Variants in TRIM16 observed in about 807,000 individuals in gnomAD.
TRIM16 encodes tripartite motif-containing protein 16.
Under a neutral mutation model 50.4 loss-of-function variants are expected in TRIM16, and 33 were observed. The ratio of observed to expected loss-of-function variants is 0.65; its 90% CI spans 0.50 to 0.88. The LOEUF (loss-of-function observed/expected upper bound fraction) is 0.88. Ranked by LOEUF, TRIM16 falls within the 40% of genes least tolerant of loss-of-function variation. TRIM16 has a pLI of 0.00. For missense variants in TRIM16, 581 were observed against 686.8 expected, an observed-to-expected ratio of 0.85 and a Z score of 1.72; for synonymous variants, 229 against 270.7, an observed-to-expected ratio of 0.85 and a Z score of 1.51.
rs1263924413 is a variant in TRIM16 at position 15,632,581 on chromosome 17, TG to T, written c.942del (p.Thr315ArgfsTer7). On this transcript the variant is annotated frameshift_variant, in exon 10 of 12. Coordinates refer to ENST00000649191, the MANE Select transcript of TRIM16 (RefSeq NM_001348119.1). LOFTEE classifies it high-confidence loss of function. The part of the protein sequence containing the change: ...KDKLSGIRKV[I>X]TESTVHLIQL... The stretch of plus-strand genomic sequence containing the variant: ...TGGATTAAGTGTACAGTGGATTCCG[TG>T]ATAACTTTGCGGATGCCCGAGAGTT... 6.2e-7 allele frequency: 1 copy of T among 1,613,880 alleles called. No individual in the cohort carries two copies. The highest frequency in any genetic ancestry group is 1.3e-5 in the African/African-American group (1 of 74,928).
rs1277837575 is a variant in TRIM16, at chr17:15,651,359, G to A, written c.251C>T (p.Thr84Ile). The part of the protein sequence containing the change: ...EVLCDFCLDD[T>I]RRVKAVKSCL... ...GGACTTCACTGCCTTCACTCTTCTGGTGTCATCAAGGCAGAAGTCACACAG... is the reference window on the plus strand; with the variant it reads ...GGACTTCACTGCCTTCACTCTTCTGATGTCATCAAGGCAGAAGTCACACAG... The change falls in exon 7 of 12, where the codon ACC becomes ATC. Residue 84 changes from threonine (T) to isoleucine (I), a missense_variant. This residue lies in a region of TRIM16 where 450 missense variants were observed against 544.3 expected (regional missense o/e 0.83). Coordinates refer to ENST00000649191, the MANE Select transcript of TRIM16 (RefSeq NM_001348119.1). 1.2e-6 allele frequency: 2 copies of A among 1,614,060 alleles called. No individual in the cohort carries two copies. Among genetic ancestry groups the A allele is most frequent in the Non-Finnish European group, 1.7e-6 (2 of 1,180,038 alleles).
Position 15,677,715 on chromosome 17 carries a change from T to C in TRIM16, c.-583A>G. 1 of 994,310 alleles carries C rather than the reference T, an allele frequency of 1.0e-6. No homozygotes were observed. The highest frequency in any genetic ancestry group is 1.2e-6 in the Non-Finnish European group (1 of 833,952). 61.6% of individuals were successfully genotyped at this position (994,310 alleles called of 1,614,324 possible). A position where few individuals can be genotyped will look rare whatever the true frequency, so the allele number is the denominator to read the frequency against. ...GACATAAAGCCCTGAAACACCTGCA[T>C]GGGGTTCTGAAGAAAAAGTTACATG... On this transcript the variant is annotated 5_prime_UTR_variant, in exon 5 of 12. It removes an upstream start codon present in the reference 5' UTR. Coordinates refer to ENST00000649191, the MANE Select transcript of TRIM16 (RefSeq NM_001348119.1).
intron 7 of TRIM16, among the ~76,000 whole-genome samples, chr17:15,644,968 G>A (rs55731200): frequency 0.12 from 17,819 of 151,498 alleles, 1,825 homozygotes; most frequent in African/African-American, 0.29. Flanking sequence ...GATACACACC[G>A]CCACACCCGG....
At chr17:15,679,204 C>T (rs1989075364) in intron 4 of TRIM16, among the ~76,000 whole-genome samples, 1 of 152,094 alleles carries the variant, frequency 6.6e-6, no homozygotes, top group Admixed American at 6.6e-5. Context: ...TTAATATACA[C>T]TGGCAAACTA....
intron 6 of TRIM16, among the ~76,000 whole-genome samples, chr17:15,674,809 A>G (rs2530109): frequency 3.9e-4 from 59 of 151,578 alleles, no homozygotes; most frequent in Middle Eastern, 6.8e-3. Flanking sequence ...CTATTAACTG[A>G]GTCCCTCATC....
At chr17:15,658,929 C>T (rs1047176223) in intron 6 of TRIM16, 2 of 942,410 alleles carry the variant, frequency 2.1e-6, no homozygotes, top group Non-Finnish European at 2.5e-6. Flanking sequence ...TTACCACTAA[C>T]AAAGGAACGA....
chr17:15,650,024 A>C (rs1187972662), intron 7 of TRIM16, among the ~76,000 whole-genome samples: 5 of 152,220 alleles, frequency 3.3e-5, no homozygotes, highest in Non-Finnish European at 7.3e-5. Context: ...GGCCGGAAAC[A>C]GTGACTCATT....
chr17:15,648,470 A>G (rs555476530), intron 7 of TRIM16, among the ~76,000 whole-genome samples: 19 of 152,254 alleles, frequency 1.2e-4, no homozygotes, highest in African/African-American at 4.6e-4. Flanking sequence ...TTAACTGAGA[A>G]ATTAGTCATT....
intron 6 of TRIM16, among the ~76,000 whole-genome samples, chr17:15,669,113 A>G (rs1294882149): frequency 1.3e-5 from 2 of 151,964 alleles, no homozygotes; most frequent in East Asian, 1.9e-4. Context: ...GATAGTATCC[A>G]ATGTTTGGGA....
rs1182013120 is a variant in TRIM16, at chr17:15,629,091, C to A, written c.1219G>T (p.Asp407Tyr). 7 of 1,613,924 alleles carry A rather than the reference C, an allele frequency of 4.3e-6. No homozygotes were observed. Among genetic ancestry groups the A allele is most frequent in the Non-Finnish European group, 5.9e-6 (7 of 1,179,894 alleles). ...NTTPWEHPYP[D>Y]LPSRFLHWRQ... ...CAGTGCAGGAACCTGCTGGGGAGGT[C>A]CGGGTAGGGATGCTCCCAGGGCGTG... Residue 407 changes from aspartate to tyrosine, a missense_variant, in exon 12 of 12, where the codon GAC becomes TAC. This residue lies in a region of TRIM16 where 450 missense variants were observed against 544.3 expected (regional missense o/e 0.83). Coordinates refer to ENST00000649191, the MANE Select transcript of TRIM16 (RefSeq NM_001348119.1).
intron 4 of TRIM16, among the ~76,000 whole-genome samples, chr17:15,679,936 C>CAAA (rs56845789): frequency 3.1e-5 from 4 of 128,634 alleles, no homozygotes; most frequent in East Asian, 2.2e-4. Flanking sequence ...GACTATGTCT[C>CAAA]AAAAAAAAAA....
intron 6 of TRIM16, among the ~76,000 whole-genome samples, chr17:15,665,369 C>T (rs1275590303): frequency 5.3e-5 from 8 of 152,114 alleles, no homozygotes; most frequent in South Asian, 4.2e-4. Flanking sequence ...ATTAGCCGGG[C>T]ATGGTGGTGG....
Position 15,628,534 on chromosome 17 carries a change from G to C in TRIM16, c.*81C>G. 3 of 1,449,870 alleles carry C rather than the reference G, an allele frequency of 2.1e-6. No homozygotes were observed. Among genetic ancestry groups the C allele is most frequent in the Non-Finnish European group, 2.8e-6 (3 of 1,089,788 alleles). 89.8% of individuals were successfully genotyped at this position (1,449,870 alleles called of 1,614,324 possible). On this transcript the variant is annotated 3_prime_UTR_variant, in exon 12 of 12. Transcript: ENST00000649191. ...TTTCAAAAGCCAGCTACCATCAGCA[G>C]TTATTTCTGCCCCCAAATCACCCTA...
intron 7 of TRIM16, among the ~76,000 whole-genome samples, chr17:15,646,598 C>T (rs1381953481): frequency 6.9e-6 from 1 of 144,158 alleles, no homozygotes; most frequent in Non-Finnish European, 1.5e-5. Flanking sequence ...CCTAAATATG[C>T]TAACAGAAGG....
At chr17:15,637,216 G>A (rs1986825012) in intron 8 of TRIM16, among the ~76,000 whole-genome samples, 14 of 142,748 alleles carry the variant, frequency 9.8e-5, no homozygotes, top group Admixed American at 9.4e-4. Flanking sequence ...CCGGGAGGGA[G>A]GTGGGGGGGT....
intron 9 of TRIM16, among the ~76,000 whole-genome samples, chr17:15,635,233 T>C (rs1454000051): frequency 6.8e-6 from 1 of 147,236 alleles, no homozygotes; most frequent in Non-Finnish European, 1.5e-5. Flanking sequence ...AGTGGGCTTG[T>C]TGATAAATGA....
At chr17:15,629,930 T>A in intron 11 of TRIM16, among the ~76,000 whole-genome samples, 1 of 152,228 alleles carries the variant, frequency 6.6e-6, no homozygotes, top group East Asian at 1.9e-4. Context: ...TGTTCTCTCT[T>A]GCCCCCTTCA....
chr17:15,656,696 G>C (rs1327130655), intron 6 of TRIM16, among the ~76,000 whole-genome samples: 1 of 152,070 alleles, frequency 6.6e-6, no homozygotes, highest in Non-Finnish European at 1.5e-5. Context: ...CCCCAGCTCT[G>C]TTATTCTCAG....
At chr17:15,652,109 C>A in intron 6 of TRIM16, 163 bp from the exon 7 acceptor site, 2 of 278,910 alleles carry the variant, frequency 7.2e-6, no homozygotes, top group Admixed American at 1.1e-4. Flanking sequence ...TAGAACTGGA[C>A]ATGAGGCAGC....
Sources: gnomAD v4.1 joint callset for allele counts (sites outside exome capture counted in the v4.1 genomes callset) on GRCh38, gnomAD v4.1.1 for gene constraint, gnomAD v4.1.1 regional missense constraint, MANE v1.5 for transcripts, NCBI Gene and HGNC (gene_info 2026-07-23, HGNC 2026-07-21) for gene names.